The following C12orf50 variants were observed in gnomAD, a reference collection of about 807,000 sequenced individuals.
C12orf50 encodes the protein zinc finger CCCH-type containing 11D, also known as uncharacterized protein C12orf50.
C12orf50 carries 35 observed loss-of-function variants against 61.6 expected under a neutral mutation model. That is an observed-to-expected ratio of 0.57 (90% CI 0.43 to 0.75). C12orf50 has a LOEUF of 0.75. Among genes scored for constraint, C12orf50 ranks in the 30% least tolerant of loss-of-function variants. C12orf50 has a pLI of 0.00. For synonymous variants in C12orf50, 178 were observed against 161.5 expected, an observed-to-expected ratio of 1.10 and a Z score of -0.77; for missense variants, 475 against 488.5, an observed-to-expected ratio of 0.97 and a Z score of 0.26.
chr12:87,980,340 C>T lies in C12orf50; in HGVS notation c.1236G>A (p.Gly412=), dbSNP rs781191152. ...CTCTCAACCTCCAGGTTTACTTGCT[C>T]CCATTTCTTCTTGGCTCTAATAATA... is the stretch of plus-strand genomic sequence containing the variant. ...EKIYPEPRRN[G]SK is the part of the protein sequence containing the mutation. Residue 412 remains glycine (G), a synonymous_variant, in exon 13 of 13, where the codon GGG becomes GGA. Coordinates refer to ENST00000298699, the MANE Select transcript of C12orf50 (RefSeq NM_152589.3). The T allele has an allele frequency of 6.2e-7, 1 of 1,609,704 alleles. No individual in the cohort carries two copies. The highest frequency in any genetic ancestry group is 8.5e-7 in the Non-Finnish European group (1 of 1,177,166).
intron 7 of C12orf50, among the ~76,000 whole-genome samples, chr12:87,991,597 C>T (rs920735940): frequency 5.3e-5 from 8 of 151,832 alleles, no homozygotes; most frequent in African/African-American, 1.9e-4. Context: ...TAAAAATGCA[C>T]CAGACAAAAG....
intron 3 of C12orf50, among the ~76,000 whole-genome samples, chr12:87,999,628 T>C (rs2031567120): frequency 6.6e-6 from 1 of 152,146 alleles, no homozygotes; most frequent in South Asian, 2.1e-4. Flanking sequence ...AAAGGTTAAA[T>C]ATGGAGTCAT....
At chr12:87,994,834 GC>G in intron 6 of C12orf50, 91 bp from the exon 7 acceptor site, 1 of 773,636 alleles carries the variant, frequency 1.3e-6, no homozygotes, top group Non-Finnish European at 2.1e-6. Context: ...AAGTAAAAAA[GC>G]TTTAAAGTTA....
intron 10 of C12orf50, 90 bp downstream of exon 10, chr12:87,986,222 A>T: frequency 8.1e-7 from 1 of 1,228,912 alleles, no homozygotes; most frequent in Non-Finnish European, 1.1e-6. Flanking sequence ...ACGTCACATG[A>T]CAGTAATTTG....
intron 7 of C12orf50, among the ~76,000 whole-genome samples, chr12:87,991,527 G>A (rs1271019038): frequency 1.3e-5 from 2 of 152,098 alleles, no homozygotes; most frequent in Admixed American, 6.6e-5. Context: ...TTGTCAGAAA[G>A]TATCCAGATT....
chr12:87,983,163 C>T lies in C12orf50; in HGVS notation c.1159G>A (p.Ala387Thr), dbSNP rs2136396386. 3 of 1,604,662 alleles carry T rather than the reference C, an allele frequency of 1.9e-6. No individual in the cohort carries two copies. The South Asian group carries it at 3.3e-5, about 18-fold the overall frequency. ...GAAAAAGGAATTCGTTTTCGCCAGG[C>T]TGAATCATTATATGATGTTGACGTA... ...KYTSTSYNDS[A>T]WRKRIPFSKT... Residue 387 changes from alanine to threonine, a missense_variant, in exon 12 of 13, where the codon GCC (alanine) becomes ACC (threonine). Ala to Thr is a moderately conservative substitution (Grantham distance 58). Coordinates refer to ENST00000298699, the MANE Select transcript of C12orf50 (RefSeq NM_152589.3).
chr12:88,006,336 A>G (rs567599062), intron 3 of C12orf50, among the ~76,000 whole-genome samples: 3 of 152,192 alleles, frequency 2.0e-5, no homozygotes, highest in South Asian at 2.1e-4. Context: ...CTTATCCCCA[A>G]TCACCATTGT....
At chr12:88,022,481 A>G (rs1310605319) in intron 3 of C12orf50, among the ~76,000 whole-genome samples, 2 of 152,156 alleles carry the variant, frequency 1.3e-5, no homozygotes, top group East Asian at 3.9e-4. Flanking sequence ...CCTACTCACC[A>G]TAGTATTGAA....
intron 3 of C12orf50, among the ~76,000 whole-genome samples, chr12:88,021,205 A>G (rs778074843): frequency 1.3e-5 from 2 of 152,080 alleles, no homozygotes; most frequent in Non-Finnish European, 2.9e-5. Flanking sequence ...AAGGAAATGG[A>G]GACACAAAAA....
At chr12:88,028,881 A>T (rs571160491) in intron 1 of C12orf50, among the ~76,000 whole-genome samples, 1 of 152,244 alleles carries the variant, frequency 6.6e-6, no homozygotes, top group African/African-American at 2.4e-5. Context: ...ATTATCTCAG[A>T]TTTCTTCAGA....
chr12:87,992,127 G>T (rs976508985), intron 7 of C12orf50, among the ~76,000 whole-genome samples: 1 of 152,170 alleles, frequency 6.6e-6, no homozygotes, highest in Non-Finnish European at 1.5e-5. Flanking sequence ...CAGTTCTGAG[G>T]CTTGTTAGTG....
chr12:87,983,054 T>C (rs758492596), intron 12 of C12orf50, 49 bp downstream of exon 12: 50 of 1,157,256 alleles, frequency 4.3e-5, no homozygotes, highest in African/African-American at 6.3e-5. Flanking sequence ...TGAAAACTTA[T>C]TCATTTTCAG....
rs150174633 is a variant in C12orf50 at position 88,025,890 on chromosome 12, T to C, written c.133+598A>G. Among the ~76,000 whole-genome samples, 273 of 152,366 alleles carry C rather than the reference T, an allele frequency of 1.8e-3. 1 individual carries two copies. Among genetic ancestry groups the C allele is most frequent in the African/African-American group, 6.4e-3 (266 of 41,578 alleles). Reference sequence around the variant, plus strand: ...TACCATTCACTGGTTTACACTGTGGTGTCTTCTGTATCCACTTCCCAGAAC... The same window carrying C: ...TACCATTCACTGGTTTACACTGTGGCGTCTTCTGTATCCACTTCCCAGAAC... On this transcript the variant is annotated intron_variant, in intron 3 of 12. Transcript: ENST00000298699.
At chr12:88,025,931 T>G (rs1335927153) in intron 3 of C12orf50, among the ~76,000 whole-genome samples, 7 of 152,218 alleles carry the variant, frequency 4.6e-5, no homozygotes, top group Non-Finnish European at 2.9e-5. Flanking sequence ...TTAAGGTACA[T>G]CACATGGTAG....
At chr12:87,987,464 A>G (rs2030883148) in intron 9 of C12orf50, among the ~76,000 whole-genome samples, 1 of 152,188 alleles carries the variant, frequency 6.6e-6, no homozygotes, top group African/African-American at 2.4e-5. Context: ...TAACTGTATC[A>G]AGAGAAGTAG....
At chr12:88,029,180 T>G in intron 1 of C12orf50, 160 bp downstream of exon 1, 45 of 766,502 alleles carry the variant, frequency 5.9e-5, no homozygotes, top group Non-Finnish European at 7.4e-5. Flanking sequence ...TATATGAATT[T>G]CAGGAATGCA....
At chr12:88,026,722 G>A (rs2032721802) in intron 2 of C12orf50, 114 bp from the exon 3 acceptor site, 1 of 1,398,412 alleles carries the variant, frequency 7.2e-7, no homozygotes, top group Non-Finnish European at 9.7e-7. Flanking sequence ...AACTGATTTA[G>A]GATCATGTGT....
Position 87,983,206 on chromosome 12 carries a change from A to C in C12orf50, c.1127-11T>G. The C allele has an allele frequency of 6.5e-7, 1 of 1,533,624 alleles. No homozygotes were observed. The highest frequency in any genetic ancestry group is 8.9e-7 in the Non-Finnish European group (1 of 1,119,630). On this transcript the variant is annotated splice_polypyrimidine_tract_variant and intron_variant, in intron 11 of 12. Transcript: ENST00000298699. ...TTGACGTATATTTGTCTGAGGGAAA[A>C]AAATCCAGAATTAAATATTTTATAA...
intron 7 of C12orf50, among the ~76,000 whole-genome samples, chr12:87,993,236 A>G (rs1214978408): frequency 6.6e-6 from 1 of 152,218 alleles, no homozygotes; most frequent in Non-Finnish European, 1.5e-5. Flanking sequence ...TACAACGTGA[A>G]GGAAAGTTTA....
Sources: gnomAD v4.1 joint callset for allele counts (sites outside exome capture counted in the v4.1 genomes callset) on GRCh38, gnomAD v4.1.1 for gene constraint, MANE v1.5 for transcripts, NCBI Gene and HGNC (gene_info 2026-07-23, HGNC 2026-07-21) for gene names.